The following MAP3K13 variants were observed in gnomAD, a reference collection of about 807,000 sequenced individuals.
The protein encoded by MAP3K13 is mitogen-activated protein kinase kinase kinase 13, also known as leucine zipper-bearing kinase.
A neutral mutation model predicts 104.0 loss-of-function variants in MAP3K13; 52 were observed. The ratio of observed to expected loss-of-function variants is 0.50; its 90% CI spans 0.40 to 0.63. The LOEUF is 0.63. Ranked by LOEUF, MAP3K13 falls within the 20% of genes least tolerant of loss-of-function variation. The probability of loss-of-function intolerance (pLI) is 0.00; values close to 1 mark genes in which losing one functional copy is unlikely to be tolerated. For missense variants in MAP3K13, 914 were observed against 1,218.5 expected (o/e 0.75, Z 3.72); for synonymous variants, 394 against 442.2 (o/e 0.89, Z 1.37).
At chr3:185,454,593 GATATATATGAGATATATATGAT>G (rs1577581451) in intron 7 of MAP3K13, among the ~76,000 whole-genome samples, 1 of 57,754 alleles carries the variant, frequency 1.7e-5, no homozygotes, top group Non-Finnish European at 3.6e-5. Context: ...ATGATATATA[GATATATATGAGATATATATGAT>G]ATATATATGA....
At chr3:185,313,520 C>T (rs937655396) in intron 2 of MAP3K13, among the ~76,000 whole-genome samples, 3 of 151,930 alleles carry the variant, frequency 2.0e-5, no homozygotes, top group Admixed American at 6.6e-5. Flanking sequence ...CTGCCCACCT[C>T]GGCCTCCCAA....
intron 2 of MAP3K13, among the ~76,000 whole-genome samples, chr3:185,297,514 C>G (rs1390615981): frequency 6.6e-6 from 1 of 152,146 alleles, no homozygotes; most frequent in Non-Finnish European, 1.5e-5. Flanking sequence ...GCAGGCAGAT[C>G]ACCTGAGGTC....
In MAP3K13 at chr3:185,473,649, C is replaced by A. The variant is rs374399820; in HGVS notation, c.2318C>A (p.Ser773Tyr). 4.8e-5 allele frequency: 78 copies of A among 1,614,058 alleles called. 1 individual carries two copies. In the South Asian group the frequency reaches 8.3e-4, roughly 17 times the overall value. Residue 773 changes from serine to tyrosine, a missense_variant, in exon 11 of 14, where the codon TCT becomes TAT. Coordinates refer to ENST00000265026, the MANE Select transcript of MAP3K13 (RefSeq NM_004721.5). This position sits in a 1 kb window ranked among gnomAD's most constrained non-coding sequence, Gnocchi z 4.9. Reference sequence around the variant, plus strand: ...CCTCTCTTGGAAAACGCCCAGAGTTCTGAGAAAACGGAAGAAAATGAATTC... The same window carrying A: ...CCTCTCTTGGAAAACGCCCAGAGTTATGAGAAAACGGAAGAAAATGAATTC... ...HNPLLENAQS[S>Y]EKTEENEFSG...
At chr3:185,466,369 CTTTT>C (rs59523963) in intron 9 of MAP3K13, among the ~76,000 whole-genome samples, 2 of 85,304 alleles carry the variant, frequency 2.3e-5, no homozygotes, top group Non-Finnish European at 4.4e-5. Flanking sequence ...TTAGTATTTC[CTTTT>C]TTTTTTTTTT....
chr3:185,357,322 C>T (rs1380044501), intron 2 of MAP3K13, among the ~76,000 whole-genome samples: 1 of 151,356 alleles, frequency 6.6e-6, no homozygotes, highest in Non-Finnish European at 1.5e-5. Context: ...GTGGCGGGCG[C>T]CTGTAATCTC....
At chr3:185,420,432 A>G (rs529576624) in intron 1 of MAP3K13, among the ~76,000 whole-genome samples, 2 of 152,352 alleles carry the variant, frequency 1.3e-5, no homozygotes, top group South Asian at 4.1e-4. Context: ...ACTATGCACA[A>G]GTAAAGTAAT....
At chr3:185,403,125 T>C (rs1347643862) in intron 1 of MAP3K13, among the ~76,000 whole-genome samples, 2 of 152,224 alleles carry the variant, frequency 1.3e-5, no homozygotes, top group African/African-American at 4.8e-5. Flanking sequence ...AAATTGTTAG[T>C]AGACTGAAAT....
At position 185,443,485 on chromosome 3, in the gene MAP3K13, G is replaced by C; in HGVS notation, c.700G>C (p.Glu234Gln). ...GGCCCCATGTTATTGTATTATCATG[G>C]AATACTGTGCCCATGGACAACTCTA... is the stretch of plus-strand genomic sequence containing the variant. ...TQAPCYCIIMEYCAHGQLYEV... is the reference protein window; with the variant it reads ...TQAPCYCIIMQYCAHGQLYEV... The change falls in exon 4 of 14, where the codon GAA (glutamate) becomes CAA (glutamine). Residue 234 changes from glutamate to glutamine, a missense_variant. Glu to Gln is a conservative substitution (Grantham distance 29). Around this residue, in one of 3 missense-constraint regions of MAP3K13, gnomAD observed 175 missense variants for 321.3 expected, o/e 0.54. Transcript: ENST00000265026. 6.2e-7 allele frequency: 1 copy of C among 1,613,966 alleles called. No individual in the cohort carries two copies. The highest frequency in any genetic ancestry group is 8.5e-7 in the Non-Finnish European group (1 of 1,179,944).
chr3:185,463,898 G>A (rs1008307745), intron 8 of MAP3K13, among the ~76,000 whole-genome samples: 1 of 152,140 alleles, frequency 6.6e-6, no homozygotes, highest in African/African-American at 2.4e-5. Flanking sequence ...TTGAAACAAT[G>A]CTATTTAATC....
intron 1 of MAP3K13, among the ~76,000 whole-genome samples, chr3:185,427,016 G>A (rs1714460057): frequency 6.6e-6 from 1 of 152,130 alleles, no homozygotes. Flanking sequence ...AGGAAGGAAT[G>A]ACTGTTACAA....
At chr3:185,480,197 TCTGA>T (rs748118260) in intron 12 of MAP3K13, 31 bp from the exon 13 acceptor site, 11 of 1,594,086 alleles carry the variant, frequency 6.9e-6, no homozygotes, top group South Asian at 6.7e-5. Flanking sequence ...CAGTTGTTCC[TCTGA>T]CTAAGTTCTC....
intron 7 of MAP3K13, among the ~76,000 whole-genome samples, chr3:185,463,052 C>T (rs1717204137): frequency 6.6e-6 from 1 of 152,116 alleles, no homozygotes; most frequent in Non-Finnish European, 1.5e-5. Context: ...TTCTAATTTC[C>T]TGCTGTTCAT....
chr3:185,356,398 G>A (rs973678675), intron 2 of MAP3K13, among the ~76,000 whole-genome samples: 4 of 152,344 alleles, frequency 2.6e-5, no homozygotes, highest in Admixed American at 2.6e-4. Context: ...TTTAAAGGGA[G>A]TAAGGAGGGA....
chr3:185,330,046 ATT>A (rs548813356), intron 2 of MAP3K13, among the ~76,000 whole-genome samples: 3 of 98,276 alleles, frequency 3.1e-5, no homozygotes, highest in African/African-American at 1.3e-4. Context: ...TGCCTGGCTA[ATT>A]TTTTTTTTTT....
intron 1 of MAP3K13, among the ~76,000 whole-genome samples, chr3:185,384,686 C>T (rs1253410795): frequency 6.6e-6 from 1 of 152,140 alleles, no homozygotes; most frequent in Non-Finnish European, 1.5e-5. Context: ...GTTTGATTTG[C>T]ATTTCCCTGG....
chr3:185,410,333 A>G (rs1250531093), intron 1 of MAP3K13, among the ~76,000 whole-genome samples: 1 of 152,174 alleles, frequency 6.6e-6, no homozygotes, highest in Non-Finnish European at 1.5e-5. Context: ...AGAACAGAGG[A>G]TTCTAGAGGC....
intron 2 of MAP3K13, among the ~76,000 whole-genome samples, chr3:185,430,018 G>T (rs1399274832): frequency 3.9e-5 from 6 of 152,126 alleles, no homozygotes; most frequent in African/African-American, 1.4e-4. Context: ...TGGCCAACAT[G>T]GTGATACCCC....
chr3:185,447,436 G>T (rs1715649938), intron 4 of MAP3K13, among the ~76,000 whole-genome samples: 1 of 134,506 alleles, frequency 7.4e-6, no homozygotes, highest in Non-Finnish European at 1.5e-5. Context: ...AGAGGTTGCA[G>T]TCAGCTGAGA....
At position 185,488,854 on chromosome 3, in the gene MAP3K13, T is replaced by C. The variant is rs1718846856; in HGVS notation, c.*6398T>C. 1 of 152,220 alleles carries C rather than the reference T, an allele frequency of 6.6e-6. No homozygotes were observed. The highest frequency in any genetic ancestry group is 1.5e-5 in the Non-Finnish European group (1 of 68,052). The allele number at this position is 152,220 out of a possible 1,614,324, so 9.4% of individuals were successfully genotyped here. A position where few individuals can be genotyped will look rare whatever the true frequency, so the allele number is the denominator to read the frequency against. ...GACTCTGGAAGTGGGAAGACCCTCT[T>C]TGACGCTTTATTACAGTAATTTGAG... On this transcript the variant is annotated 3_prime_UTR_variant, in exon 14 of 14. Transcript: ENST00000265026.
Sources: gnomAD v4.1 joint callset for allele counts (sites outside exome capture counted in the v4.1 genomes callset) on GRCh38, gnomAD v4.1.1 for gene constraint, gnomAD v4.1.1 regional missense constraint, Gnocchi (gnomAD v3.1) non-coding constraint, MANE v1.5 for transcripts, NCBI Gene and HGNC (gene_info 2026-07-23, HGNC 2026-07-21) for gene names.